Variants in UVSSA observed in about 807,000 individuals in gnomAD.
UVSSA encodes UV stimulated scaffold protein A.
In UVSSA, 72 loss-of-function variants were observed where a neutral mutation model predicts 73.9. That is an observed-to-expected ratio of 0.97 (90% CI 0.81 to 1.19). UVSSA has a LOEUF of 1.19. UVSSA is among the 50% of genes most tolerant of loss of function. UVSSA has a pLI of 0.00. For synonymous variants in UVSSA, 454 were observed against 391.3 expected (o/e 1.16, Z -1.89); for missense variants, 1,150 against 965.0 (o/e 1.19, Z -2.54).
At chr4:1,394,692 G>A (rs1370945035) in exon 14 of UVSSA, 1 of 1,602,814 alleles carries the variant, frequency 6.2e-7, no homozygotes, top group African/African-American at 1.4e-5. Context: ...ACGTGCCCAT[G>A]TGGAGTGCCC....
rs954066587 is a variant in UVSSA, at chr4:1,380,662, C to G, written c.1753-218C>G. 1.2e-5 allele frequency: 18 copies of G among 1,532,688 alleles called. No individual in the cohort carries two copies. In the African/African-American group the frequency reaches 2.3e-4, roughly 20 times the overall value. The allele number at this position is 1,532,688 out of a possible 1,614,324, so 94.9% of individuals were successfully genotyped here. On this transcript the variant is annotated intron_variant, in intron 11 of 13. Transcript: ENST00000389851. Reference sequence around the variant, plus strand: ...CTAGACTTTCCACAGCTGCCCAAGACCTTCCGGCTCCAGAGGAGGGACGGA... The same window carrying G: ...CTAGACTTTCCACAGCTGCCCAAGAGCTTCCGGCTCCAGAGGAGGGACGGA...
At chr4:1,375,249 C>G in intron 8 of UVSSA, 115 bp from the exon 9 acceptor site, 1 of 1,512,704 alleles carries the variant, frequency 6.6e-7, no homozygotes, top group Non-Finnish European at 8.9e-7. Flanking sequence ...CACCTCGGGA[C>G]TGTTGGAAGA....
At chr4:1,394,964 G>A in exon 14 of UVSSA, 1 of 1,567,272 alleles carries the variant, frequency 6.4e-7, no homozygotes, top group Non-Finnish European at 8.6e-7. Flanking sequence ...GCTCACACGT[G>A]CCCATGCGGA....
At chr4:1,346,818 C>G (rs1320585514), upstream of UVSSA, among the ~76,000 whole-genome samples, 1 of 152,100 alleles carries the variant, frequency 6.6e-6, no homozygotes, top group Admixed American at 6.5e-5. Flanking sequence ...CGGCCCCGCC[C>G]CCGGCGCCCG....
At position 1,348,318 on chromosome 4, in the gene UVSSA, G is replaced by C. The variant is rs896128945; in HGVS notation, c.98+129G>C. The C allele has an allele frequency of 2.2e-5, 16 of 715,334 alleles. No individual in the cohort carries two copies. The South Asian group carries it at 2.5e-4, about 11-fold the overall frequency. The allele number at this position is 715,334 out of a possible 1,614,324, so 44.3% of individuals were successfully genotyped here. A position where few individuals can be genotyped will look rare whatever the true frequency, so the allele number is the denominator to read the frequency against. ...GACACACCCAGGACATTTTCTCGGG[G>C]CCCTGCAGTACCCGGCTCTGACGGG... On this transcript the variant is annotated intron_variant, in intron 2 of 13. Transcript: ENST00000389851.
chr4:1,385,158 G>A (rs1030814811), intron 13 of UVSSA: 1 of 152,324 alleles, frequency 6.6e-6, no homozygotes. Context: ...GCAGGAGCTG[G>A]CTCTTCGCCA....
At chr4:1,371,256 CTGTGTGTGTG>C (rs34839757) in intron 8 of UVSSA, among the ~76,000 whole-genome samples, 180 of 146,620 alleles carry the variant, frequency 1.2e-3, no homozygotes, top group African/African-American at 3.6e-3. Context: ...GTGGGTGGAC[CTGTGTGTGTG>C]TGTGTGTGTG....
At position 1,348,261 on chromosome 4, in the gene UVSSA, C is replaced by G. The variant is rs373099973; in HGVS notation, c.98+72C>G. 1.0e-3 allele frequency: 1,207 copies of G among 1,172,884 alleles called. 32 individuals carry two copies. In the South Asian group the frequency reaches 0.014, roughly 13 times the overall value. The allele number at this position is 1,172,884 out of a possible 1,614,324, so 72.7% of individuals were successfully genotyped here. ...CAGGACACACACAGGGCCCTGCCCT[C>G]CTGCCCCCACCTGGGAGAGAACCAC... On this transcript the variant is annotated intron_variant, in intron 2 of 13. Coordinates refer to ENST00000389851, the MANE Select transcript of UVSSA (RefSeq NM_020894.4).
chr4:1,391,258 T>C (rs1720407569), downstream of UVSSA: 1 of 153,140 alleles, frequency 6.5e-6, no homozygotes, highest in Non-Finnish European at 1.5e-5. Context: ...TAGATGCCTG[T>C]TGGGTCAGAG....
intron 8 of UVSSA, among the ~76,000 whole-genome samples, chr4:1,372,856 G>A (rs1053593517): frequency 5.2e-5 from 2 of 38,692 alleles, no homozygotes; most frequent in African/African-American, 1.0e-4. Context: ...CACCTCCCGC[G>A]TCCCTGCACT....
intron 7 of UVSSA, among the ~76,000 whole-genome samples, chr4:1,361,644 C>T (rs1015452800): frequency 9.2e-5 from 14 of 152,262 alleles, no homozygotes; most frequent in African/African-American, 2.7e-4. Flanking sequence ...GCCGGAGATG[C>T]ACATGAGATA....
At chr4:1,395,254 G>A (rs1482317785) in exon 14 of UVSSA, 25 of 1,567,260 alleles carry the variant, frequency 1.6e-5, no homozygotes, top group Non-Finnish European at 2.1e-5. Flanking sequence ...CCCATGTGGA[G>A]TGCCCGCCTG....
In UVSSA at chr4:1,366,376, C is replaced by T; in HGVS notation, c.1233C>T (p.Val411=). 6.2e-7 allele frequency: 1 copy of T among 1,613,418 alleles called. No individual in the cohort carries two copies. Among genetic ancestry groups the T allele is most frequent in the Non-Finnish European group, 8.5e-7 (1 of 1,179,694 alleles). The change falls in exon 8 of 14, where the codon GTC becomes GTT. Residue 411 remains valine (V), a synonymous_variant. Coordinates refer to ENST00000389851, the MANE Select transcript of UVSSA (RefSeq NM_020894.4). ...AGGACGATGAGGACTTTGTGGAGGT[C>T]CCTGAGAAGGAGGGGTATGAGCCAC... ...EDEDDEDFVE[V]PEKEGYEPHI... is the part of the protein sequence containing the mutation.
chr4:1,376,623 C>T (rs1251738830), intron 10 of UVSSA, among the ~76,000 whole-genome samples: 2 of 152,212 alleles, frequency 1.3e-5, no homozygotes, highest in Admixed American at 1.3e-4. Context: ...CCTCCCTGCC[C>T]ACTTTCCCCT....
In UVSSA at chr4:1,386,117, C is replaced by T. The variant is rs1451266478; in HGVS notation, c.*156C>T. ...TGTTGCAATGCCCTGAAGGTACGGC[C>T]GCTCTGCTGCTACAGGGTTCGGCAT... is the stretch of plus-strand genomic sequence containing the variant. On this transcript the variant is annotated 3_prime_UTR_variant, in exon 14 of 14. Transcript: ENST00000389851. 1.3e-5 allele frequency: 10 copies of T among 776,882 alleles called. No individual in the cohort carries two copies. Among genetic ancestry groups the T allele is most frequent in the East Asian group, 5.5e-5 (2 of 36,132 alleles). The allele number at this position is 776,882 out of a possible 1,614,324, so 48.1% of individuals were successfully genotyped here.
chr4:1,382,149 C>T (rs1719583628), intron 12 of UVSSA, among the ~76,000 whole-genome samples: 4 of 152,242 alleles, frequency 2.6e-5, no homozygotes, highest in African/African-American at 4.8e-5. Context: ...TGCCCAGAGG[C>T]AGCAGCTCAG....
intron 12 of UVSSA, among the ~76,000 whole-genome samples, chr4:1,381,324 C>T (rs1018637468): frequency 1.3e-5 from 2 of 152,228 alleles, no homozygotes; most frequent in African/African-American, 2.4e-5. Flanking sequence ...GGCCTTAAGG[C>T]GAGAGAAGTG....
At position 1,349,608 on chromosome 4, in the gene UVSSA, C is replaced by A. The variant is rs749676819; in HGVS notation, c.183C>A (p.Ala61=). ...AGCACGCCGAGATCCGTCTCTCAGC[C>A]TTCCAGATTGTGGAGGAACTCTTCG... The part of the protein sequence containing the change: ...TQEHAEIRLS[A]FQIVEELFVR... The change falls in exon 3 of 14, where the codon GCC becomes GCA. Residue 61 remains alanine (A), a synonymous_variant. Transcript: ENST00000389851. 24 of 1,614,154 alleles carry A rather than the reference C, an allele frequency of 1.5e-5. No individual in the cohort carries two copies. Among genetic ancestry groups the A allele is most frequent in the Non-Finnish European group, 1.9e-5 (23 of 1,180,034 alleles).
At chr4:1,370,849 C>T (rs1717941584) in intron 8 of UVSSA, among the ~76,000 whole-genome samples, 1 of 152,222 alleles carries the variant, frequency 6.6e-6, no homozygotes, top group South Asian at 2.1e-4. Flanking sequence ...AGACATGCAG[C>T]TTTTTCCTCC....
Sources: gnomAD v4.1 joint callset for allele counts (sites outside exome capture counted in the v4.1 genomes callset) on GRCh38, gnomAD v4.1.1 for gene constraint, MANE v1.5 for transcripts, NCBI Gene and HGNC (gene_info 2026-07-23, HGNC 2026-07-21) for gene names.